SNX13: variants seen among roughly 807,000 people sequenced by gnomAD.
The protein encoded by SNX13 is sorting nexin-13.
A neutral mutation model predicts 133.6 loss-of-function variants in SNX13; 45 were observed. The ratio of observed to expected loss-of-function variants is 0.34; its 90% CI spans 0.27 to 0.43. SNX13 has a LOEUF of 0.43. SNX13 is among the 20% of genes least tolerant of loss of function. The probability of loss-of-function intolerance (pLI) is 1.00; values close to 1 mark genes in which losing one functional copy is unlikely to be tolerated. For missense variants in SNX13, 1,032 were observed against 1,145.1 expected (o/e 0.90, Z 1.43); for synonymous variants, 414 against 373.9 (o/e 1.11, Z -1.24).
intron 17 of SNX13, 151 bp from the exon 18 acceptor site, chr7:17,821,799 G>A: frequency 1.2e-6 from 1 of 836,992 alleles, no homozygotes. Flanking sequence ...TGAGACAGAA[G>A]GATGTCAGCA....
intron 19 of SNX13, 35 bp downstream of exon 19, chr7:17,816,147 T>G: frequency 6.7e-7 from 1 of 1,500,990 alleles, no homozygotes; most frequent in Non-Finnish European, 8.9e-7. Flanking sequence ...CTATATTAAA[T>G]GAAAATCTGT....
At chr7:17,802,924 G>A (rs569399779) in intron 21 of SNX13, among the ~76,000 whole-genome samples, 73 of 152,014 alleles carry the variant, frequency 4.8e-4, no homozygotes, top group African/African-American at 1.7e-3. Flanking sequence ...TCTATGACAC[G>A]CAGAGGTCTA....
chr7:17,900,903 C>A (rs1583690495), intron 1 of SNX13, among the ~76,000 whole-genome samples: 1 of 152,118 alleles, frequency 6.6e-6, no homozygotes, highest in Admixed American at 6.5e-5. Context: ...GTTACCACAA[C>A]TGGAAATGTA....
At chr7:17,861,416 A>T (rs2128338010) in intron 9 of SNX13, among the ~76,000 whole-genome samples, 1 of 151,948 alleles carries the variant, frequency 6.6e-6, no homozygotes, top group Middle Eastern at 3.4e-3. Context: ...CGCAGCCCAC[A>T]CCAGGAAGAG....
At chr7:17,825,565 A>G (rs1787818509) in intron 17 of SNX13, among the ~76,000 whole-genome samples, 1 of 152,230 alleles carries the variant, frequency 6.6e-6, no homozygotes, top group African/African-American at 2.4e-5. Context: ...ACAAAGTTTT[A>G]GAGGTTTCTC....
chr7:17,934,286 A>T (rs1489048744), intron 1 of SNX13, among the ~76,000 whole-genome samples: 5 of 152,240 alleles, frequency 3.3e-5, no homozygotes, highest in Admixed American at 3.3e-4. Context: ...TTCATGGTCT[A>T]TGAAACCACA....
At chr7:17,867,884 G>A (rs1036145645) in intron 9 of SNX13, among the ~76,000 whole-genome samples, 1 of 151,988 alleles carries the variant, frequency 6.6e-6, no homozygotes, top group Non-Finnish European at 1.5e-5. Context: ...AAAAAAATAG[G>A]GCTTGTGGAC....
At chr7:17,807,957 C>A (rs1225809946) in intron 20 of SNX13, among the ~76,000 whole-genome samples, 3 of 152,154 alleles carry the variant, frequency 2.0e-5, no homozygotes, top group Non-Finnish European at 2.9e-5. Context: ...TGAAGGTCAG[C>A]AACATCAAAG....
chr7:17,837,287 A>C (rs1157541215), intron 13 of SNX13, among the ~76,000 whole-genome samples: 1 of 151,638 alleles, frequency 6.6e-6, no homozygotes, highest in Non-Finnish European at 1.5e-5. Flanking sequence ...TGTGCCACCA[A>C]CTCCAGCTAA....
intron 11 of SNX13, 41 bp downstream of exon 11, chr7:17,850,306 G>T: frequency 7.4e-7 from 1 of 1,352,846 alleles, no homozygotes. Context: ...CTATAGTATA[G>T]TATTTATAAC....
chr7:17,821,633 T>C lies in SNX13; in HGVS notation c.1721A>G (p.His574Arg). The change falls in exon 18 of 26, where the codon CAT becomes CGT. Residue 574 changes from histidine (H) to arginine (R), a missense_variant. Transcript: ENST00000428135. ...YISDTGVCND[H>R]GKTYALYAIT... ...GGCATATAATGCATATGTCTTGCCA[T>C]GATCATTACAAACGCCTGCCACAGC... 6.2e-7 allele frequency: 1 copy of C among 1,613,368 alleles called. No homozygotes were observed. Among genetic ancestry groups the C allele is most frequent in the Non-Finnish European group, 8.5e-7 (1 of 1,179,504 alleles).
intron 17 of SNX13, among the ~76,000 whole-genome samples, chr7:17,824,480 C>A (rs931124273): frequency 1.3e-5 from 2 of 152,004 alleles, no homozygotes; most frequent in Non-Finnish European, 2.9e-5. Flanking sequence ...TGCATAATTA[C>A]CAATGTAATG....
At chr7:17,924,148 T>C (rs1275317190) in intron 1 of SNX13, among the ~76,000 whole-genome samples, 1 of 152,090 alleles carries the variant, frequency 6.6e-6, no homozygotes, top group Non-Finnish European at 1.5e-5. Context: ...TACATCAAAA[T>C]TAGAAAATCC....
chr7:17,923,176 C>T (rs184087389), intron 1 of SNX13, among the ~76,000 whole-genome samples: 2 of 152,222 alleles, frequency 1.3e-5, no homozygotes, highest in Admixed American at 6.5e-5. Context: ...AACTTGTACT[C>T]CACCACGTGA....
At chr7:17,910,954 A>G (rs1042180273) in intron 1 of SNX13, among the ~76,000 whole-genome samples, 1 of 152,236 alleles carries the variant, frequency 6.6e-6, no homozygotes, top group African/African-American at 2.4e-5. Flanking sequence ...ATGTTCTGAC[A>G]CTAATTAGAG....
intron 9 of SNX13, among the ~76,000 whole-genome samples, chr7:17,860,481 G>C (rs1037414581): frequency 6.6e-6 from 1 of 152,038 alleles, no homozygotes; most frequent in Non-Finnish European, 1.5e-5. Flanking sequence ...TTTTTAGTCT[G>C]ATACACTCCC....
At chr7:17,818,898 C>A (rs1786969872) in intron 18 of SNX13, among the ~76,000 whole-genome samples, 1 of 152,110 alleles carries the variant, frequency 6.6e-6, no homozygotes, top group Non-Finnish European at 1.5e-5. Flanking sequence ...TTAATGAATA[C>A]TTAATATGAT....
intron 9 of SNX13, among the ~76,000 whole-genome samples, chr7:17,863,062 T>C (rs1180928722): frequency 6.6e-6 from 1 of 152,128 alleles, no homozygotes; most frequent in Non-Finnish European, 1.5e-5. Flanking sequence ...AGAACTCTGC[T>C]TTGAAACTGA....
chr7:17,880,237 T>A (rs984999163), intron 5 of SNX13: 1 of 152,236 alleles, frequency 6.6e-6, no homozygotes, highest in Non-Finnish European at 1.5e-5. Context: ...CAAATCTGCA[T>A]GCAGAGTCCT....
Sources: allele counts gnomAD v4.1 joint callset (sites outside exome capture counted in the v4.1 genomes callset), GRCh38; gene constraint gnomAD v4.1.1; transcripts MANE v1.5; gene names NCBI Gene and HGNC (gene_info 2026-07-23, HGNC 2026-07-21).